VRK2: variants seen among roughly 807,000 people sequenced by gnomAD.
The protein encoded by VRK2 is VRK serine/threonine kinase 2.
VRK2 carries 60 observed loss-of-function variants against 57.6 expected under a neutral mutation model. The ratio of observed to expected loss-of-function variants is 1.04; its 90% CI spans 0.85 to 1.29. VRK2 has a LOEUF of 1.29. VRK2 is among the 50% of genes most tolerant of loss of function. The pLI is 0.00. For missense variants in VRK2, 705 were observed against 588.1 expected, an observed-to-expected ratio of 1.20 and a Z score of -2.06; for synonymous variants, 231 against 199.2, an observed-to-expected ratio of 1.16 and a Z score of -1.35.
intron 1 of VRK2, among the ~76,000 whole-genome samples, chr2:58,001,352 T>C (rs1673083358): frequency 6.6e-6 from 1 of 152,206 alleles, no homozygotes; most frequent in African/African-American, 2.4e-5. Context: ...TTAACTATTA[T>C]TATTTTGTTT....
At chr2:58,014,559 A>G (rs59309072) in intron 1 of VRK2, among the ~76,000 whole-genome samples, 52,062 of 151,998 alleles carry the variant, frequency 0.34, 13,708 homozygotes, top group African/African-American at 0.75. Flanking sequence ...CTTCTGTTGA[A>G]TAATCCAAAA....
At chr2:58,035,106 G>A (rs1250629768) in intron 3 of VRK2, among the ~76,000 whole-genome samples, 1 of 151,912 alleles carries the variant, frequency 6.6e-6, no homozygotes, top group East Asian at 1.9e-4. Flanking sequence ...GTTTGACATG[G>A]GTACTCCATG....
Position 58,088,327 on chromosome 2 carries a change from C to G in VRK2, c.345-14C>G, listed in dbSNP as rs1558619616. ...TTCTCAGGATGATCTCTTTTTGATG[C>G]TTTTTTCTTACAGTTACAGATTTAT... On this transcript the variant is annotated splice_polypyrimidine_tract_variant and intron_variant, in intron 5 of 12. Transcript: ENST00000340157. 1 of 1,554,704 alleles carries G rather than the reference C, an allele frequency of 6.4e-7. No homozygotes were observed. The highest frequency in any genetic ancestry group is 2.2e-5 in the East Asian group (1 of 44,510).
At chr2:57,981,206 A>C (rs1672413335) in intron 1 of VRK2, among the ~76,000 whole-genome samples, 1 of 152,166 alleles carries the variant, frequency 6.6e-6, no homozygotes, top group African/African-American at 2.4e-5. Flanking sequence ...CACTCCCTTA[A>C]GGACCTTTCA....
chr2:58,072,720 T>C (rs1669532022), intron 2 of VRK2, among the ~76,000 whole-genome samples: 1 of 151,974 alleles, frequency 6.6e-6, no homozygotes, highest in African/African-American at 2.4e-5. Context: ...TTGTAGTTTT[T>C]TTTCTTTTAA....
At chr2:57,932,934 T>C (rs535768451) in intron 1 of VRK2, among the ~76,000 whole-genome samples, 1 of 152,350 alleles carries the variant, frequency 6.6e-6, no homozygotes, top group South Asian at 2.1e-4. Flanking sequence ...TTTGACCCTT[T>C]TGTTTTCGGG....
chr2:58,138,758 T>C (rs942046511), intron 10 of VRK2, among the ~76,000 whole-genome samples: 3 of 152,162 alleles, frequency 2.0e-5, no homozygotes, highest in African/African-American at 7.2e-5. Context: ...GAGTCAGTAA[T>C]ATATTTTTGA....
chr2:58,124,962 G>A (rs377553364), intron 8 of VRK2, among the ~76,000 whole-genome samples: 33 of 152,090 alleles, frequency 2.2e-4, no homozygotes, highest in African/African-American at 7.0e-4. Context: ...AATATGGGAC[G>A]TATCTTACAT....
chr2:57,925,728 T>C (rs755728038), intron 1 of VRK2, among the ~76,000 whole-genome samples: 8 of 151,806 alleles, frequency 5.3e-5, no homozygotes, highest in Non-Finnish European at 8.8e-5. Flanking sequence ...TTCAGTTTTA[T>C]TTATTTTTCT....
intron 10 of VRK2, among the ~76,000 whole-genome samples, chr2:58,138,045 A>G (rs1466055912): frequency 2.0e-5 from 3 of 152,148 alleles, no homozygotes; most frequent in Non-Finnish European, 4.4e-5. Flanking sequence ...AGCTGCTATC[A>G]GTTGGTGGAG....
rs548992805 is a variant in VRK2, at chr2:58,009,790, T to C, written c.-438-15875T>C. Among the ~76,000 whole-genome samples, 7 of 152,228 alleles carry C rather than the reference T, an allele frequency of 4.6e-5. No homozygotes were observed. In the East Asian group the frequency reaches 1.3e-3, roughly 29 times the overall value. On this transcript the variant is annotated intron_variant, in intron 1 of 15. Transcript: ENST00000417641. ...TTCCCATTTAGATATGATTCTTCTA[T>C]TATCTTTAAGCCTACGCTTTACTTA...
At chr2:58,079,385 G>A (rs1174611143) in intron 2 of VRK2, among the ~76,000 whole-genome samples, 1 of 151,930 alleles carries the variant, frequency 6.6e-6, no homozygotes, top group East Asian at 1.9e-4. Context: ...TCATCCATTT[G>A]CCTATCTGTT....
chr2:58,046,760 G>C, upstream of VRK2: 1 of 985,526 alleles, frequency 1.0e-6, no homozygotes, highest in African/African-American at 1.7e-5. Flanking sequence ...GCAGGCTCGA[G>C]TGCTGGGCCC....
chr2:57,970,957 T>G (rs939319952), intron 1 of VRK2, among the ~76,000 whole-genome samples: 3 of 152,056 alleles, frequency 2.0e-5, no homozygotes, highest in Non-Finnish European at 4.4e-5. Flanking sequence ...AAAGAGACTA[T>G]AGAGCTTTTC....
chr2:58,147,412 C>T (rs1682329305), intron 12 of VRK2, among the ~76,000 whole-genome samples: 2 of 151,880 alleles, frequency 1.3e-5, no homozygotes, highest in Non-Finnish European at 2.9e-5. Context: ...TTCACTTAGG[C>T]ATATTTTAGT....
At chr2:58,022,879 A>C (rs528263033) in intron 1 of VRK2, among the ~76,000 whole-genome samples, 1 of 152,350 alleles carries the variant, frequency 6.6e-6, no homozygotes, top group South Asian at 2.1e-4. Flanking sequence ...TGACTCAAAA[A>C]AGAAAAAAAT....
chr2:58,084,802 A>G (rs1671386034), intron 3 of VRK2, 79 bp from the exon 4 acceptor site: 3 of 956,190 alleles, frequency 3.1e-6, no homozygotes, highest in Admixed American at 2.5e-5. Flanking sequence ...ATATATGTTC[A>G]TATTTTCACA....
chr2:57,916,654 G>A (rs1670164385), intron 1 of VRK2, among the ~76,000 whole-genome samples: 1 of 152,014 alleles, frequency 6.6e-6, no homozygotes, highest in African/African-American at 2.4e-5. Flanking sequence ...TCTGACAAAT[G>A]AGGAGGAAAC....
chr2:58,113,446 G>A (rs552982028), intron 7 of VRK2, among the ~76,000 whole-genome samples: 43 of 152,256 alleles, frequency 2.8e-4, no homozygotes, highest in Non-Finnish European at 5.6e-4. Flanking sequence ...ATGCGGGTCC[G>A]TGTGAAGAGA....
Sources: gnomAD v4.1 joint callset for allele counts (sites outside exome capture counted in the v4.1 genomes callset) on GRCh38, gnomAD v4.1.1 for gene constraint, MANE v1.5 for transcripts, NCBI Gene and HGNC (gene_info 2026-07-23, HGNC 2026-07-21) for gene names.